Variants in PLCL1 observed in about 807,000 individuals in gnomAD.
PLCL1 encodes inactive phospholipase C-like protein 1.
Under a neutral mutation model 84.4 loss-of-function variants are expected in PLCL1, and 41 were observed. The observed-to-expected ratio is 0.49, with a 90% CI of 0.38 to 0.63. The LOEUF (loss-of-function observed/expected upper bound fraction) is 0.63, where lower values mean the gene tolerates loss of function less well. Among genes scored for constraint, PLCL1 ranks in the 30% least tolerant of loss-of-function variants. The pLI is 0.00. For missense variants in PLCL1, 1,206 were observed against 1,367.8 expected, an observed-to-expected ratio of 0.88 and a Z score of 1.87; for synonymous variants, 490 against 488.3, an observed-to-expected ratio of 1.00 and a Z score of -0.05.
intron 1 of PLCL1, among the ~76,000 whole-genome samples, chr2:197,936,292 G>T (rs1689054121): frequency 6.6e-6 from 1 of 152,110 alleles, no homozygotes. Context: ...AAGTGGTATT[G>T]CTGGATTATA....
chr2:198,101,179 C>T (rs1327384241), intron 3 of PLCL1, 106 bp from the exon 4 acceptor site: 2 of 719,194 alleles, frequency 2.8e-6, no homozygotes, highest in South Asian at 1.6e-5. Flanking sequence ...GAGACTATGG[C>T]TTACTTTTAC....
intron 5 of PLCL1, among the ~76,000 whole-genome samples, chr2:198,120,970 G>A (rs748264979): frequency 6.6e-6 from 1 of 151,820 alleles, no homozygotes; most frequent in Non-Finnish European, 1.5e-5. Flanking sequence ...CCATATCTTC[G>A]CCAGCATTTT....
intron 1 of PLCL1, among the ~76,000 whole-genome samples, chr2:197,971,843 A>G (rs936309235): frequency 2.8e-4 from 43 of 152,214 alleles, no homozygotes; most frequent in African/African-American, 1.0e-3. Flanking sequence ...TTTATGGGTA[A>G]CATCAGGACA....
chr2:197,872,631 A>G (rs562249125), intron 1 of PLCL1, among the ~76,000 whole-genome samples: 49 of 152,300 alleles, frequency 3.2e-4, no homozygotes, highest in Middle Eastern at 3.4e-3. Context: ...AATGATGACA[A>G]TGATCATGAT....
chr2:197,897,168 CTTCTTCTTCTTCTT>C (rs1688158789), intron 1 of PLCL1, among the ~76,000 whole-genome samples: 1 of 31,470 alleles, frequency 3.2e-5, no homozygotes. Context: ...TCTTCTTCTT[CTTCTTCTTCTTCTT>C]CTTCTTCTCC....
chr2:198,025,838 T>A (rs1363194851), intron 1 of PLCL1, among the ~76,000 whole-genome samples: 1 of 152,068 alleles, frequency 6.6e-6, no homozygotes, highest in Non-Finnish European at 1.5e-5. Flanking sequence ...AGGACTTACC[T>A]TTTCTGAAAA....
intron 1 of PLCL1, among the ~76,000 whole-genome samples, chr2:197,979,345 CTAATA>C: frequency 6.6e-6 from 1 of 152,276 alleles, no homozygotes; most frequent in East Asian, 1.9e-4. Context: ...CAAGATTTTA[CTAATA>C]TCACTAAGTT....
At chr2:198,094,815 G>A (rs533373317) in intron 3 of PLCL1, among the ~76,000 whole-genome samples, 14 of 152,192 alleles carry the variant, frequency 9.2e-5, no homozygotes, top group South Asian at 2.1e-4. Flanking sequence ...TTGCTTACGG[G>A]CAGCCCTGTT....
At chr2:197,918,485 T>A (rs1688638190) in intron 1 of PLCL1, among the ~76,000 whole-genome samples, 1 of 152,156 alleles carries the variant, frequency 6.6e-6, no homozygotes, top group Non-Finnish European at 1.5e-5. Context: ...CCATAATATG[T>A]AAGATATAAA....
At chr2:197,933,265 CTTTTT>C (rs774904338) in intron 1 of PLCL1, among the ~76,000 whole-genome samples, 1 of 127,260 alleles carries the variant, frequency 7.9e-6, no homozygotes. Flanking sequence ...TTTTTCTTTT[CTTTTT>C]TTTTTTTTTT....
intron 1 of PLCL1, among the ~76,000 whole-genome samples, chr2:198,054,781 T>A (rs1167036633): frequency 3.3e-5 from 5 of 152,192 alleles, no homozygotes; most frequent in African/African-American, 9.6e-5. Context: ...ACTTAAGATT[T>A]TGATTTCCCT....
At chr2:198,024,969 A>T (rs960625612) in intron 1 of PLCL1, among the ~76,000 whole-genome samples, 1 of 152,044 alleles carries the variant, frequency 6.6e-6, no homozygotes, top group African/African-American at 2.4e-5. Flanking sequence ...TTTTTTCCTC[A>T]GGATATTTTC....
intron 1 of PLCL1, among the ~76,000 whole-genome samples, chr2:197,912,887 C>T (rs1688514403): frequency 7.0e-6 from 1 of 143,764 alleles, no homozygotes; most frequent in African/African-American, 2.6e-5. Context: ...ACCAGCATGG[C>T]ACATGTATAC....
intron 1 of PLCL1, among the ~76,000 whole-genome samples, chr2:198,027,105 C>T (rs1460185165): frequency 2.6e-5 from 4 of 152,126 alleles, no homozygotes; most frequent in Non-Finnish European, 4.4e-5. Context: ...AGATATCAAC[C>T]TAATTGTTCA....
At chr2:197,930,780 T>C (rs1342062145) in intron 1 of PLCL1, among the ~76,000 whole-genome samples, 1 of 152,150 alleles carries the variant, frequency 6.6e-6, no homozygotes, top group African/African-American at 2.4e-5. Flanking sequence ...AGGGGCATGT[T>C]TGCAATTTTA....
At position 197,876,304 on chromosome 2, in the gene PLCL1, C is replaced by T. The variant is rs183567094; in HGVS notation, c.240+70965C>T. 9.9e-5 allele frequency among the ~76,000 whole-genome samples: 15 copies of T among 152,216 alleles called. No homozygotes were observed. In the East Asian group the frequency reaches 2.3e-3, roughly 24 times the overall value. On this transcript the variant is annotated intron_variant, in intron 1 of 5. Coordinates refer to ENST00000428675, the MANE Select transcript of PLCL1 (RefSeq NM_006226.4). ...ATTGGCCCAGAAGAGGGGCTGGTAA[C>T]GAGCTTCTTAGAAAAGAAGCATTTG... is the stretch of plus-strand genomic sequence containing the variant.
At chr2:197,896,794 G>T (rs1454010267) in intron 1 of PLCL1, among the ~76,000 whole-genome samples, 1 of 151,904 alleles carries the variant, frequency 6.6e-6, no homozygotes, top group Non-Finnish European at 1.5e-5. Flanking sequence ...CTTTTTTCCA[G>T]ATAGAATTTG....
rs1293526319 is a variant in PLCL1, at chr2:198,147,530, A to G, written c.*568A>G. ...AATTCCTAAGAATCAGAGTAGAAAT[A>G]AAAGTGAATGAAAGATTAAACAGAT... On this transcript the variant is annotated 3_prime_UTR_variant, in exon 6 of 6. Coordinates refer to ENST00000428675, the MANE Select transcript of PLCL1 (RefSeq NM_006226.4). The G allele has an allele frequency of 1.3e-5, 2 of 152,286 alleles. No homozygotes were observed. The highest frequency in any genetic ancestry group is 2.9e-5 in the Non-Finnish European group (2 of 68,040). The allele number at this position is 152,286 out of a possible 1,614,324, so 9.4% of individuals were successfully genotyped here.
At chr2:198,126,632 CG>C (rs371684087) in intron 5 of PLCL1, among the ~76,000 whole-genome samples, 57 of 152,176 alleles carry the variant, frequency 3.7e-4, no homozygotes, top group Admixed American at 2.1e-3. Context: ...AGGCCAAGCG[CG>C]GTGGCTCATT....
Sources: allele counts gnomAD v4.1 joint callset (sites outside exome capture counted in the v4.1 genomes callset), GRCh38; gene constraint gnomAD v4.1.1; transcripts MANE v1.5; gene names NCBI Gene and HGNC (gene_info 2026-07-23, HGNC 2026-07-21).